RARB: variants seen among roughly 807,000 people sequenced by gnomAD.
RARB encodes HBV-activated protein.
RARB carries 17 observed loss-of-function variants against 51.9 expected under a neutral mutation model. The observed-to-expected ratio is 0.33, with a 90% CI of 0.22 to 0.49. The LOEUF is 0.49. Among genes scored for constraint, RARB ranks in the 20% least tolerant of loss-of-function variants. RARB has a pLI of 0.99. For missense variants in RARB, 369 were observed against 550.8 expected, an observed-to-expected ratio of 0.67 and a Z score of 3.30; for synonymous variants, 215 against 195.4, an observed-to-expected ratio of 1.10 and a Z score of -0.84.
intron 4 of RARB, among the ~76,000 whole-genome samples, chr3:25,140,233 G>A (rs1409155194): frequency 1.3e-5 from 2 of 152,148 alleles, no homozygotes; most frequent in Non-Finnish European, 2.9e-5. Flanking sequence ...TTCTCTGATG[G>A]ATTTTGGCAG....
At chr3:25,044,918 C>T (rs1698183321) in intron 2 of RARB, among the ~76,000 whole-genome samples, 1 of 152,130 alleles carries the variant, frequency 6.6e-6, no homozygotes, top group Non-Finnish European at 1.5e-5. Context: ...AGTGAATGCC[C>T]TGTTTATATC....
intron 5 of RARB, among the ~76,000 whole-genome samples, chr3:25,287,692 C>T (rs1703689539): frequency 6.6e-6 from 1 of 152,136 alleles, no homozygotes; most frequent in Admixed American, 6.5e-5. Context: ...ATGGAAAACC[C>T]TTTGTCAATG....
chr3:24,971,444 T>C lies in RARB; in HGVS notation c.-379-88681T>C, dbSNP rs887077516. On this transcript the variant is annotated intron_variant, in intron 2 of 11. Transcript: ENST00000383772. ...AGATAGACATAACTTTAGTAAAAGA[T>C]TTAGGATAACAGTGTTTTAACTCAA... is the stretch of plus-strand genomic sequence containing the variant. Among the ~76,000 whole-genome samples, 11 of 152,042 alleles carry C rather than the reference T, an allele frequency of 7.2e-5. 1 individual carries two copies. The highest frequency in any genetic ancestry group is 5.3e-4 in the Admixed American group (8 of 15,224).
intron 3 of RARB, among the ~76,000 whole-genome samples, chr3:25,540,897 T>A (rs1292154483): frequency 7.3e-5 from 2 of 27,506 alleles, no homozygotes; most frequent in Non-Finnish European, 1.1e-4. Context: ...TTAATGGCTG[T>A]CATGACCCAC....
chr3:25,159,545 G>T (rs1489926136), intron 4 of RARB, among the ~76,000 whole-genome samples: 1 of 152,058 alleles, frequency 6.6e-6, no homozygotes, highest in Non-Finnish European at 1.5e-5. Flanking sequence ...CTGTCTGGAA[G>T]GAAAAGTGCC....
At chr3:25,506,276 A>AAAAAAAAAC (rs1491557008) in intron 3 of RARB, among the ~76,000 whole-genome samples, 1 of 128,208 alleles carries the variant, frequency 7.8e-6, no homozygotes. Flanking sequence ...AAAAAAAAAA[A>AAAAAAAAAC]CCAGCTCTTT....
chr3:24,977,423 C>A (rs914436824), intron 2 of RARB, among the ~76,000 whole-genome samples: 1 of 152,144 alleles, frequency 6.6e-6, no homozygotes, highest in Non-Finnish European at 1.5e-5. Flanking sequence ...TGTTTGTGTC[C>A]TCTTTTATTT....
chr3:25,234,795 A>C (rs995780229), intron 5 of RARB, among the ~76,000 whole-genome samples: 1 of 152,122 alleles, frequency 6.6e-6, no homozygotes, highest in African/African-American at 2.4e-5. Context: ...GGAAGAAAAA[A>C]TTATGAAGAT....
chr3:25,467,958 A>C lies in RARB; in HGVS notation c.306+6617A>C, dbSNP rs1695510788. Among the ~76,000 whole-genome samples, 8 of 152,268 alleles carry C rather than the reference A, an allele frequency of 5.3e-5. No individual in the cohort carries two copies. The South Asian group carries it at 1.7e-3, about 32-fold the overall frequency. On this transcript the variant is annotated intron_variant, in intron 2 of 7. Transcript: ENST00000330688. ...AAACAATAAACAGAATGGTCTAATA[A>C]AGAATAATTTAGGGGTATTCTATTT...
chr3:25,462,915 A>G (rs984898129), intron 2 of RARB, among the ~76,000 whole-genome samples: 1 of 152,180 alleles, frequency 6.6e-6, no homozygotes, highest in Non-Finnish European at 1.5e-5. Context: ...GAAGCATCTC[A>G]TTACTACTTC....
chr3:25,541,638 A>T (rs1699385138), intron 3 of RARB, among the ~76,000 whole-genome samples: 1 of 152,182 alleles, frequency 6.6e-6, no homozygotes, highest in Admixed American at 6.5e-5. Context: ...AATCATGAAC[A>T]TTTCCCCTTA....
intron 5 of RARB, among the ~76,000 whole-genome samples, chr3:25,303,678 T>A (rs920210562): frequency 6.6e-6 from 1 of 152,220 alleles, no homozygotes. Flanking sequence ...ATAAATGTGT[T>A]ATTTAGTTGC....
At chr3:24,845,324 C>T (rs1388290200) in intron 1 of RARB, among the ~76,000 whole-genome samples, 1 of 152,114 alleles carries the variant, frequency 6.6e-6, no homozygotes, top group African/African-American at 2.4e-5. Flanking sequence ...GAAAGCAGTG[C>T]AATAATGGTA....
chr3:25,257,844 A>G (rs183643314), intron 5 of RARB, among the ~76,000 whole-genome samples: 1 of 152,116 alleles, frequency 6.6e-6, no homozygotes, highest in Non-Finnish European at 1.5e-5. Flanking sequence ...AAACACCCCA[A>G]ATACCATCCG....
chr3:25,061,078 G>T (rs1038359090), intron 3 of RARB, among the ~76,000 whole-genome samples: 3 of 151,752 alleles, frequency 2.0e-5, no homozygotes, highest in South Asian at 4.1e-4. Flanking sequence ...TACCAGAATG[G>T]TCCTGAGTTT....
chr3:25,228,457 G>A (rs1260577481), intron 5 of RARB, among the ~76,000 whole-genome samples: 1 of 151,794 alleles, frequency 6.6e-6, no homozygotes, highest in Non-Finnish European at 1.5e-5. Flanking sequence ...TTCTCGGCAT[G>A]ATCAGAGTGC....
chr3:25,302,532 A>T (rs908133225), intron 5 of RARB, among the ~76,000 whole-genome samples: 1 of 152,240 alleles, frequency 6.6e-6, no homozygotes, highest in Non-Finnish European at 1.5e-5. Context: ...GTATGATCCC[A>T]TTTAGATGCA....
intron 1 of RARB, among the ~76,000 whole-genome samples, chr3:24,850,937 C>T (rs1433153851): frequency 6.6e-6 from 1 of 152,222 alleles, no homozygotes; most frequent in Non-Finnish European, 1.5e-5. Context: ...CATTAGCAAA[C>T]CTCCTGTGTC....
chr3:24,861,662 C>T lies in RARB; in HGVS notation c.-380+2910C>T, dbSNP rs575656312. On this transcript the variant is annotated intron_variant, in intron 2 of 11. Transcript: ENST00000383772. ...TAATGAGAAGCGTGGAAGATTTCCC[C>T]CACAGTTCTGTAGGTCTTTCTAGTG... is the stretch of plus-strand genomic sequence containing the variant. 5.9e-4 allele frequency among the ~76,000 whole-genome samples: 90 copies of T among 151,762 alleles called. 1 individual carries two copies. The highest frequency in any genetic ancestry group is 1.5e-4 in the Non-Finnish European group (10 of 67,974).
Sources: gnomAD v4.1 joint callset for allele counts (sites outside exome capture counted in the v4.1 genomes callset) on GRCh38, gnomAD v4.1.1 for gene constraint, MANE v1.5 for transcripts, NCBI Gene and HGNC (gene_info 2026-07-23, HGNC 2026-07-21) for gene names.